Variants in SCN10A observed in about 807,000 individuals in gnomAD.
SCN10A encodes sodium channel protein type 10 subunit alpha.
Under a neutral mutation model 170.7 loss-of-function variants are expected in SCN10A, and 162 were observed. The ratio of observed to expected loss-of-function variants is 0.95; its 90% CI spans 0.84 to 1.08. SCN10A has a LOEUF of 1.08. Among genes scored for constraint, SCN10A ranks in the 50% least tolerant of loss-of-function variants. The pLI is 0.00. For synonymous variants in SCN10A, 985 were observed against 904.6 expected (o/e 1.09, Z -1.59); for missense variants, 2,527 against 2,436.9 (o/e 1.04, Z -0.78).
chr3:38,753,470 G>A (rs1400089486), intron 11 of SCN10A, among the ~76,000 whole-genome samples: 11 of 151,976 alleles, frequency 7.2e-5, no homozygotes, highest in Admixed American at 5.2e-4. Flanking sequence ...TTGCCAATTG[G>A]GGTTCTCCTT....
At chr3:38,757,285 G>T in intron 8 of SCN10A, 126 bp from the exon 9 acceptor site, 72 of 897,360 alleles carry the variant, frequency 8.0e-5, no homozygotes, top group South Asian at 2.5e-4. Context: ...CTTATTAGCA[G>T]GATGATCTTG....
At chr3:38,814,482 G>A (rs187606076) in intron 1 of SCN10A, among the ~76,000 whole-genome samples, 183 of 152,276 alleles carry the variant, frequency 1.2e-3, no homozygotes, top group Non-Finnish European at 1.9e-3. Flanking sequence ...GACTGCACAT[G>A]CCCAGAGTCA....
chr3:38,790,169 G>A (rs983728809), intron 3 of SCN10A, among the ~76,000 whole-genome samples: 1 of 151,936 alleles, frequency 6.6e-6, no homozygotes, highest in Non-Finnish European at 1.5e-5. Flanking sequence ...CTAAAATCGT[G>A]TCTCCAATTC....
At chr3:38,802,128 C>T (rs2064375178) in intron 1 of SCN10A, among the ~76,000 whole-genome samples, 1 of 152,224 alleles carries the variant, frequency 6.6e-6, no homozygotes, top group South Asian at 2.1e-4. Context: ...CTCCCTTGTG[C>T]CAGACACTTT....
At chr3:38,759,089 T>G (rs150018770) in intron 8 of SCN10A, among the ~76,000 whole-genome samples, 193 of 152,188 alleles carry the variant, frequency 1.3e-3, no homozygotes, top group African/African-American at 4.4e-3. Flanking sequence ...AGTCCTCAGC[T>G]CCAACTGAGA....
chr3:38,758,249 G>A (rs1325008388), intron 8 of SCN10A, among the ~76,000 whole-genome samples: 1 of 152,150 alleles, frequency 6.6e-6, no homozygotes, highest in East Asian at 1.9e-4. Context: ...TGGCTTTGTA[G>A]ACCCACATTT....
intron 21 of SCN10A, among the ~76,000 whole-genome samples, chr3:38,715,355 G>A (rs1307216570): frequency 6.6e-6 from 1 of 152,136 alleles, no homozygotes; most frequent in Non-Finnish European, 1.5e-5. Context: ...CCAGGCCCTA[G>A]TACTGCACCA....
chr3:38,710,930 T>A (rs764325028), intron 23 of SCN10A, 33 bp from the exon 24 acceptor site: 1 of 1,597,048 alleles, frequency 6.3e-7, no homozygotes, highest in Non-Finnish European at 8.6e-7. Context: ...ACTCAGTGTC[T>A]GCCCATCCAT....
At chr3:38,761,461 T>C in intron 6 of SCN10A, 78 bp from the exon 7 acceptor site, 1 of 1,272,442 alleles carries the variant, frequency 7.9e-7, no homozygotes, top group Non-Finnish European at 1.1e-6. Flanking sequence ...TTAGCCATCC[T>C]CCTTCATCTC....
intron 1 of SCN10A, among the ~76,000 whole-genome samples, chr3:38,813,910 C>T (rs1266108474): frequency 6.6e-6 from 1 of 152,192 alleles, no homozygotes; most frequent in Non-Finnish European, 1.5e-5. Flanking sequence ...CCCATATGAT[C>T]CATGACACCA....
chr3:38,717,961 C>A (rs1360983853), intron 21 of SCN10A, among the ~76,000 whole-genome samples: 1 of 152,198 alleles, frequency 6.6e-6, no homozygotes, highest in African/African-American at 2.4e-5. Context: ...ACAGTCAATT[C>A]TCTAATGCAG....
At chr3:38,754,656 C>A (rs974350746) in intron 11 of SCN10A, among the ~76,000 whole-genome samples, 2 of 152,194 alleles carry the variant, frequency 1.3e-5, no homozygotes, top group South Asian at 2.1e-4. Flanking sequence ...TCAAAAGGGG[C>A]AAAGCAAGAA....
Position 38,707,295 on chromosome 3 carries a change from GGCTTCTGGGGCTTCTTGGA to G in SCN10A, c.4351_4369del (p.Ser1451ProfsTer6), listed in dbSNP as rs775472222. On this transcript the variant is annotated frameshift_variant, in exon 26 of 28. Transcript: ENST00000449082. LOFTEE classifies it high-confidence loss of function. ...GGGGCTCACCAGGGGCCGTGGGATG[GGCTTCTGGGGCTTCTTGGA>G]GCCCAACTTCTTCATGGCATTGTAG... The G allele has an allele frequency of 3.7e-6, 6 of 1,614,006 alleles. No individual in the cohort carries two copies. Among genetic ancestry groups the G allele is most frequent in the Non-Finnish European group, 5.1e-6 (6 of 1,179,984 alleles).
chr3:38,774,181 T>G (rs2064043295), intron 4 of SCN10A, among the ~76,000 whole-genome samples: 1 of 152,216 alleles, frequency 6.6e-6, no homozygotes, highest in Admixed American at 6.5e-5. Flanking sequence ...CATAGCTGCT[T>G]GAGCTGTCAG....
At chr3:38,785,467 A>C (rs2064188014) in intron 4 of SCN10A, among the ~76,000 whole-genome samples, 1 of 152,202 alleles carries the variant, frequency 6.6e-6, no homozygotes, top group South Asian at 2.1e-4. Context: ...CTTATACCTT[A>C]CACAAAAATT....
intron 24 of SCN10A, among the ~76,000 whole-genome samples, chr3:38,710,199 G>T (rs1045770350): frequency 6.6e-6 from 1 of 151,940 alleles, no homozygotes; most frequent in Non-Finnish European, 1.5e-5. Context: ...TCGCTGTCTC[G>T]CCCAAGCTGG....
intron 12 of SCN10A, among the ~76,000 whole-genome samples, chr3:38,750,918 G>A (rs537719396): frequency 3.9e-5 from 6 of 152,312 alleles, no homozygotes; most frequent in South Asian, 2.1e-4. Context: ...CACTCCCAGC[G>A]AGCCCTGCAG....
chr3:38,755,663 C>G, intron 11 of SCN10A, 125 bp downstream of exon 11: 2 of 1,104,842 alleles, frequency 1.8e-6, no homozygotes, highest in Non-Finnish European at 2.7e-6. Flanking sequence ...GGAGGGGTGT[C>G]TGGATCCTTT....
At chr3:38,780,938 T>G (rs1306967069) in intron 4 of SCN10A, among the ~76,000 whole-genome samples, 1 of 152,006 alleles carries the variant, frequency 6.6e-6, no homozygotes, top group Non-Finnish European at 1.5e-5. Context: ...TTGAGAGCAA[T>G]CATCGAAGTT....
Sources: gnomAD v4.1 joint callset for allele counts (sites outside exome capture counted in the v4.1 genomes callset) on GRCh38, gnomAD v4.1.1 for gene constraint, MANE v1.5 for transcripts, NCBI Gene and HGNC (gene_info 2026-07-23, HGNC 2026-07-21) for gene names.